Variants in LARP4B observed in about 807,000 individuals in gnomAD.
LARP4B encodes the protein La ribonucleoprotein 4B.
Under a neutral mutation model 89.8 loss-of-function variants are expected in LARP4B, and 12 were observed. That is an observed-to-expected ratio of 0.13 (90% CI 0.09 to 0.22). The LOEUF is 0.22. Among genes scored for constraint, LARP4B ranks in the 10% least tolerant of loss-of-function variants. The pLI, the probability that LARP4B is intolerant of heterozygous loss-of-function variation, is 1.00. For synonymous variants in LARP4B, 367 were observed against 363.3 expected (o/e 1.01, Z -0.12); for missense variants, 757 against 947.7 (o/e 0.80, Z 2.64).
At chr10:934,065 C>T (rs888472116), upstream of LARP4B, among the ~76,000 whole-genome samples, 2 of 151,954 alleles carry the variant, frequency 1.3e-5, no homozygotes, top group Non-Finnish European at 2.9e-5. Context: ...ATCTCCTGAC[C>T]TCGTGATCCG....
chr10:931,247 G>GCC (rs539210260), intron 1 of LARP4B, among the ~76,000 whole-genome samples, 181 bp downstream of exon 1: 1,478 of 144,874 alleles, frequency 0.01, 21 homozygotes, highest in African/African-American at 0.034. Context: ...CCGTGCCCTA[G>GCC]CCCCGGTCCT....
chr10:877,171 G>C (rs914306279), intron 3 of LARP4B, among the ~76,000 whole-genome samples: 1 of 152,200 alleles, frequency 6.6e-6, no homozygotes, highest in African/African-American at 2.4e-5. Context: ...CAGCCTTAAA[G>C]ATATCTGAAA....
At chr10:854,884 T>A (rs1157294804) in intron 5 of LARP4B, among the ~76,000 whole-genome samples, 1 of 152,210 alleles carries the variant, frequency 6.6e-6, no homozygotes, top group Non-Finnish European at 1.5e-5. Context: ...ATAAGGCTAT[T>A]TTGTCTCGAT....
intron 5 of LARP4B, among the ~76,000 whole-genome samples, chr10:856,301 CACAA>C (rs1402748431): frequency 1.2e-4 from 19 of 152,242 alleles, no homozygotes; most frequent in African/African-American, 4.6e-4. Context: ...TAAGAAAATG[CACAA>C]ACAGGCACAA....
chr10:862,272 A>AC lies in LARP4B; in HGVS notation c.430+1470_430+1471insG, dbSNP rs1417994281. On this transcript the variant is annotated intron_variant, in intron 5 of 17. Transcript: ENST00000316157. ...CACTGAAGTTAAAAAAAAAAAAAAAAAAAAAAAAACAACCGTCACAGAACA... is the reference window on the plus strand; with the variant it reads ...CACTGAAGTTAAAAAAAAAAAAAAAACAAAAAAAAACAACCGTCACAGAACA... 2.1e-4 allele frequency among the ~76,000 whole-genome samples: 30 copies of AC among 145,494 alleles called. 1 individual carries two copies. Among genetic ancestry groups the AC allele is most frequent in the Admixed American group, 1.4e-3 (20 of 13,896 alleles).
intron 5 of LARP4B, among the ~76,000 whole-genome samples, chr10:847,171 A>G (rs1833815854): frequency 6.6e-6 from 1 of 152,184 alleles, no homozygotes; most frequent in Admixed American, 6.5e-5. Flanking sequence ...AGTGTTCTAC[A>G]GTGGAAGATG....
the LARP4B span, chr10:985,913 C>T: frequency 6.6e-6 from 1 of 152,220 alleles, no homozygotes; most frequent in Non-Finnish European, 1.5e-5. Flanking sequence ...GAGCTGGCTA[C>T]TTCTTTTGGA....
intron 3 of LARP4B, among the ~76,000 whole-genome samples, chr10:865,520 T>C (rs1292832957): frequency 6.6e-6 from 1 of 152,128 alleles, no homozygotes; most frequent in African/African-American, 2.4e-5. Flanking sequence ...CTCCTTGCTG[T>C]CTCTGGGCAC....
intron 3 of LARP4B, chr10:873,074 G>C: frequency 1.0e-6 from 1 of 985,354 alleles, no homozygotes; most frequent in Non-Finnish European, 1.2e-6. Context: ...TTCCTCCACA[G>C]ATTTTTGTAA....
intron 8 of LARP4B, among the ~76,000 whole-genome samples, chr10:832,130 G>C (rs894749218): frequency 1.3e-5 from 2 of 152,150 alleles, no homozygotes; most frequent in African/African-American, 2.4e-5. Flanking sequence ...TGCAAGCTCT[G>C]CCTCCCGGGT....
At chr10:835,536 C>T (rs1272529885) in intron 8 of LARP4B, among the ~76,000 whole-genome samples, 1 of 152,200 alleles carries the variant, frequency 6.6e-6, no homozygotes, top group East Asian at 1.9e-4. Context: ...TCTACAAAGA[C>T]TTTACCTCAT....
intron 8 of LARP4B, among the ~76,000 whole-genome samples, chr10:831,303 C>A (rs1588875142): frequency 7.3e-5 from 10 of 136,694 alleles, no homozygotes; most frequent in Admixed American, 1.5e-4. Flanking sequence ...TTTTTAAAGG[C>A]AATTTAAGAA....
intron 5 of LARP4B, among the ~76,000 whole-genome samples, chr10:851,338 C>T (rs1229024419): frequency 6.6e-6 from 1 of 152,086 alleles, no homozygotes; most frequent in African/African-American, 2.4e-5. Context: ...CGCCCGCCAC[C>T]ACAGGCGGCT....
rs542143995 is a variant in LARP4B, at chr10:876,707, C to G, written c.141+7740G>C. Among the ~76,000 whole-genome samples, 6 of 146,910 alleles carry G rather than the reference C, an allele frequency of 4.1e-5. No homozygotes were observed. In the East Asian group the frequency reaches 1.2e-3, roughly 31 times the overall value. Reference sequence around the variant, plus strand: ...GCTCCACAGTTTAAGGCTCCCAGGCCACTCCCATGACTCTACTAGGCAATG... The same window carrying G: ...GCTCCACAGTTTAAGGCTCCCAGGCGACTCCCATGACTCTACTAGGCAATG... On this transcript the variant is annotated intron_variant, in intron 3 of 17. Coordinates refer to ENST00000316157, the MANE Select transcript of LARP4B (RefSeq NM_015155.3).
chr10:925,039 TG>T (rs1222549384), intron 1 of LARP4B, among the ~76,000 whole-genome samples: 2 of 152,202 alleles, frequency 1.3e-5, no homozygotes, highest in African/African-American at 4.8e-5. Flanking sequence ...TATGTTATAG[TG>T]TCATAAATAC....
chr10:928,012 A>G (rs1837195565), intron 1 of LARP4B, among the ~76,000 whole-genome samples: 1 of 152,074 alleles, frequency 6.6e-6, no homozygotes, highest in South Asian at 2.1e-4. Context: ...CAGGAGTTCA[A>G]GACCAGCCTG....
At chr10:872,307 C>T (rs1835252094) in intron 3 of LARP4B, among the ~76,000 whole-genome samples, 1 of 152,212 alleles carries the variant, frequency 6.6e-6, no homozygotes, top group Non-Finnish European at 1.5e-5. Context: ...CCCAGCGTGT[C>T]CCAAGGCGAG....
intron 7 of LARP4B, among the ~76,000 whole-genome samples, chr10:840,133 G>A (rs1271356717): frequency 6.6e-6 from 1 of 152,088 alleles, no homozygotes; most frequent in Admixed American, 6.5e-5. Context: ...CGCTTGGCGG[G>A]GGTGGGCTGT....
chr10:865,546 C>T, intron 3 of LARP4B, among the ~76,000 whole-genome samples: 1 of 152,292 alleles, frequency 6.6e-6, no homozygotes, highest in East Asian at 1.9e-4. Context: ...CACTTTTGCT[C>T]TTCCCGTCCG....
Sources: gnomAD v4.1 joint callset for allele counts (sites outside exome capture counted in the v4.1 genomes callset) on GRCh38, gnomAD v4.1.1 for gene constraint, MANE v1.5 for transcripts, NCBI Gene and HGNC (gene_info 2026-07-23, HGNC 2026-07-21) for gene names.